DUOX1: variants seen among roughly 807,000 people sequenced by gnomAD.
DUOX1 encodes the protein NADPH thyroid oxidase 1.
Under a neutral mutation model 181.8 loss-of-function variants are expected in DUOX1, and 134 were observed. The observed-to-expected ratio is 0.74, with a 90% CI of 0.64 to 0.85. The LOEUF (loss-of-function observed/expected upper bound fraction) is 0.85, where lower values mean the gene tolerates loss of function less well. Ranked by LOEUF, DUOX1 falls within the 40% of genes least tolerant of loss-of-function variation. The pLI is 0.00. For missense variants in DUOX1, 1,814 were observed against 2,064.4 expected (o/e 0.88, Z 2.35); for synonymous variants, 798 against 832.5 (o/e 0.96, Z 0.71).
At chr15:45,147,299 C>T in intron 18 of DUOX1, 134 bp from the exon 19 acceptor site, 2 of 1,151,656 alleles carry the variant, frequency 1.7e-6, no homozygotes. Context: ...TGGCCTCAGG[C>T]ACCACCATAA....
intron 21 of DUOX1, 74 bp downstream of exon 21, chr15:45,148,521 G>A: frequency 1.4e-6 from 2 of 1,474,782 alleles, no homozygotes; most frequent in South Asian, 1.4e-5. Context: ...ACTTTTAGGA[G>A]TCCACAGAAA....
chr15:45,161,750 T>TGCGGTTCCA lies in DUOX1; in HGVS notation c.3874_3882dup (p.Phe1292_Arg1294dup). ...CATCCCTCCCCAGGAGTGACCCACC[T>TGCGGTTCCA]GCGGTTCCAGCGGCCCCAGGGCTTT... On this transcript the variant is annotated inframe_insertion, in exon 30 of 34. Coordinates refer to ENST00000389037, the MANE Select transcript of DUOX1 (RefSeq NM_175940.3). 1 of 1,613,616 alleles carries TGCGGTTCCA rather than the reference T, an allele frequency of 6.2e-7. No homozygotes were observed. Among genetic ancestry groups the TGCGGTTCCA allele is most frequent in the Non-Finnish European group, 8.5e-7 (1 of 1,179,984 alleles).
intron 11 of DUOX1, 70 bp downstream of exon 11, chr15:45,139,238 G>C (rs749100013): frequency 5.6e-6 from 9 of 1,610,574 alleles, no homozygotes; most frequent in Non-Finnish European, 8.5e-7. Context: ...TGGACTTCCA[G>C]AACCAGGTAT....
In DUOX1 at chr15:45,144,169, C is replaced by A. The variant is rs369827196; in HGVS notation, c.2070C>A (p.Asn690Lys). ...AGCTGCAGCCTCCACAGAAGGTCAACTTCGTCCTGTCCAGCAACCGTGGAC... is the reference window on the plus strand; with the variant it reads ...AGCTGCAGCCTCCACAGAAGGTCAAATTCGTCCTGTCCAGCAACCGTGGAC... The part of the protein sequence containing the change: ...TIQLQPPQKV[N>K]FVLSSNRGRR... Residue 690 changes from asparagine to lysine, a missense_variant, in exon 17 of 34, where the codon AAC becomes AAA. By Grantham distance (94) the Asn-to-Lys change is moderately conservative. Transcript: ENST00000389037. 3.1e-6 allele frequency: 5 copies of A among 1,614,066 alleles called. No individual in the cohort carries two copies. Among genetic ancestry groups the A allele is most frequent in the Non-Finnish European group, 4.2e-6 (5 of 1,180,060 alleles).
chr15:45,153,830 T>G (rs8038802), intron 26 of DUOX1, 121 bp from the exon 27 acceptor site: 1 of 890,330 alleles, frequency 1.1e-6, no homozygotes, highest in Non-Finnish European at 1.8e-6. Context: ...GAGGTTGCAG[T>G]GAGCCAAGAT....
chr15:45,141,944 C>A (rs1383831978), intron 14 of DUOX1, 31 bp from the exon 15 acceptor site: 5 of 1,594,750 alleles, frequency 3.1e-6, no homozygotes, highest in Non-Finnish European at 4.3e-6. Context: ...TGGCCCAGCA[C>A]CCAGGACGCT....
rs58522871 is a variant in DUOX1, at chr15:45,158,700, C to CAAAAAAAAAAAAAAA, written c.3703-2122_3703-2108dup. On this transcript the variant is annotated intron_variant, in intron 28 of 33. Coordinates refer to ENST00000389037, the MANE Select transcript of DUOX1 (RefSeq NM_175940.3). ...CTGGGTGACAGCGAGACTTCCATCT[C>CAAAAAAAAAAAAAAA]AAAAAAAAAAAAAAAAAAAAAAAAA... Among the ~76,000 whole-genome samples, 4 of 47,022 alleles carry CAAAAAAAAAAAAAAA rather than the reference C, an allele frequency of 8.5e-5. 2 individuals are homozygous for CAAAAAAAAAAAAAAA. Among genetic ancestry groups the CAAAAAAAAAAAAAAA allele is most frequent in the African/African-American group, 4.0e-4 (4 of 9,944 alleles). The allele number at this position is 47,022 out of a possible 152,430, so 30.8% of individuals were successfully genotyped here. A position where few individuals can be genotyped will look rare whatever the true frequency, so the allele number is the denominator to read the frequency against.
intron 9 of DUOX1, among the ~76,000 whole-genome samples, chr15:45,137,185 TA>T (rs35442034): frequency 0.51 from 41,882 of 81,660 alleles, 9,338 homozygotes; most frequent in Admixed American, 0.54. Context: ...TCGTCTCTAC[TA>T]AAAAAAAAAA....
intron 21 of DUOX1, among the ~76,000 whole-genome samples, chr15:45,150,069 C>T (rs1896763026): frequency 6.6e-6 from 1 of 152,210 alleles, no homozygotes; most frequent in African/African-American, 2.4e-5. Flanking sequence ...CAGAGATTCC[C>T]AGGACTCCTG....
chr15:45,150,313 A>T (rs1896767026), intron 21 of DUOX1: 1 of 292,826 alleles, frequency 3.4e-6, no homozygotes, highest in Non-Finnish European at 6.4e-6. Context: ...TTTTTATGGC[A>T]GAGCAGGCTC....
intron 28 of DUOX1, 64 bp from the exon 29 acceptor site, chr15:45,160,773 G>T: frequency 6.5e-7 from 1 of 1,545,160 alleles, no homozygotes; most frequent in South Asian, 1.3e-5. Context: ...TCTAAGGCCT[G>T]AGCTGGCCCT....
intron 9 of DUOX1, 138 bp downstream of exon 9, chr15:45,136,763 A>C: frequency 5.3e-6 from 4 of 759,058 alleles, no homozygotes; most frequent in Non-Finnish European, 8.6e-6. Context: ...GAGGGGAAGA[A>C]AACAATTGTT....
Position 45,153,930 on chromosome 15 carries a change from TTTGC to T in DUOX1, c.3525-19_3525-16del, listed in dbSNP as rs780108564. The T allele has an allele frequency of 2.1e-5, 33 of 1,608,192 alleles. No homozygotes were observed. Among genetic ancestry groups the T allele is most frequent in the Non-Finnish European group, 2.6e-5 (31 of 1,175,030 alleles). ...GAGAGATCTCCTCTCAAGGTGTCTC[TTTGC>T]TGTCCCTTCCACACAGGTCTGAGCT... On this transcript the variant is annotated splice_polypyrimidine_tract_variant and intron_variant, in intron 26 of 33. Coordinates refer to ENST00000389037, the MANE Select transcript of DUOX1 (RefSeq NM_175940.3).
intron 29 of DUOX1, among the ~76,000 whole-genome samples, 193 bp downstream of exon 29, chr15:45,161,183 G>A (rs377371969): frequency 5.7e-4 from 87 of 152,154 alleles, no homozygotes; most frequent in African/African-American, 2.0e-3. Context: ...GGAGGCCAAG[G>A]CAAGTGGATC....
intron 18 of DUOX1, among the ~76,000 whole-genome samples, chr15:45,146,924 G>T (rs1204884013): frequency 6.6e-6 from 1 of 152,222 alleles, no homozygotes; most frequent in African/African-American, 2.4e-5. Flanking sequence ...CAATCCAGCT[G>T]AAGCCTTGTC....
At chr15:45,155,716 G>A in intron 27 of DUOX1, 86 bp from the exon 28 acceptor site, 2 of 1,589,942 alleles carry the variant, frequency 1.3e-6, no homozygotes, top group Non-Finnish European at 1.7e-6. Flanking sequence ...TTGGGCAGTG[G>A]AGTGGAGAGG....
At chr15:45,139,796 C>T (rs536115029) in intron 12 of DUOX1, 197 bp downstream of exon 12, 8 of 677,296 alleles carry the variant, frequency 1.2e-5, no homozygotes, top group African/African-American at 3.6e-5. Context: ...GCTTTGCACT[C>T]GGATTGTTCA....
At position 45,135,391 on chromosome 15, in the gene DUOX1, AGCCGCGGACACCCGCCGG is replaced by A. The variant is rs370230006; in HGVS notation, c.496-79_496-62del. On this transcript the variant is annotated intron_variant, in intron 5 of 33. Coordinates refer to ENST00000389037, the MANE Select transcript of DUOX1 (RefSeq NM_175940.3). ...TGGAGGGGAGAGGCGCCCACTCCCCAGCCGCGGACACCCGCCGGGCCCCGGCCTTCCCTAGCTCGCCGC... is the reference window on the plus strand; with the variant it reads ...TGGAGGGGAGAGGCGCCCACTCCCCAGCCCCGGCCTTCCCTAGCTCGCCGC... 7.2e-4 allele frequency: 1,075 copies of A among 1,502,586 alleles called. 6 individuals are homozygous for A. The African/African-American group carries it at 0.013, about 18-fold the overall frequency. 93.1% of individuals were successfully genotyped at this position (1,502,586 alleles called of 1,614,324 possible).
intron 1 of DUOX1, 49 bp downstream of exon 1, chr15:45,130,147 G>A (rs1896055507): frequency 6.6e-6 from 1 of 152,362 alleles, no homozygotes; most frequent in Admixed American, 6.5e-5. Flanking sequence ...GGCGCTCCGG[G>A]GGAGGGAGCT....
Sources: gnomAD v4.1 joint callset for allele counts (sites outside exome capture counted in the v4.1 genomes callset) on GRCh38, gnomAD v4.1.1 for gene constraint, MANE v1.5 for transcripts, NCBI Gene and HGNC (gene_info 2026-07-23, HGNC 2026-07-21) for gene names.